TMEM163: variants seen among roughly 807,000 people sequenced by gnomAD.
TMEM163 encodes the protein transmembrane protein 163.
Under a neutral mutation model 29.3 loss-of-function variants are expected in TMEM163, and 17 were observed. The observed-to-expected ratio is 0.58, with a 90% CI of 0.40 to 0.87. TMEM163 has a LOEUF of 0.87. Among genes scored for constraint, TMEM163 ranks in the 40% least tolerant of loss-of-function variants. The pLI is 0.00. For missense variants in TMEM163, 303 were observed against 381.5 expected (o/e 0.79, Z 1.71); for synonymous variants, 157 against 160.6 (o/e 0.98, Z 0.17).
At chr2:134,658,919 C>T (rs1683683383) in intron 2 of TMEM163, among the ~76,000 whole-genome samples, 1 of 152,118 alleles carries the variant, frequency 6.6e-6, no homozygotes, top group African/African-American at 2.4e-5. Context: ...TTTTATGAAG[C>T]ATCTGCTTTG....
chr2:134,675,490 C>G (rs942540682), intron 2 of TMEM163, among the ~76,000 whole-genome samples: 1 of 152,054 alleles, frequency 6.6e-6, no homozygotes, highest in Non-Finnish European at 1.5e-5. Flanking sequence ...AAGTAACACA[C>G]GGGAACAGCA....
chr2:134,477,407 A>C (rs1686942459), intron 5 of TMEM163, among the ~76,000 whole-genome samples: 1 of 152,224 alleles, frequency 6.6e-6, no homozygotes, highest in African/African-American at 2.4e-5. Flanking sequence ...TGGTATATAC[A>C]TGATGTGCAG....
chr2:134,620,708 A>T (rs1682711955), intron 2 of TMEM163, among the ~76,000 whole-genome samples: 1 of 152,254 alleles, frequency 6.6e-6, no homozygotes, highest in Non-Finnish European at 1.5e-5. Flanking sequence ...AGTTGAATGC[A>T]ATTCAATACA....
chr2:134,482,253 C>T (rs181465342), intron 5 of TMEM163, among the ~76,000 whole-genome samples: 1 of 152,166 alleles, frequency 6.6e-6, no homozygotes, highest in African/African-American at 2.4e-5. Context: ...TGCTTTTCTG[C>T]AGGGCCAGTT....
chr2:134,605,038 G>C (rs1682320484), intron 2 of TMEM163, among the ~76,000 whole-genome samples: 1 of 152,060 alleles, frequency 6.6e-6, no homozygotes, highest in Admixed American at 6.5e-5. Flanking sequence ...AATTAGCTGG[G>C]CATGGTGGCG....
intron 2 of TMEM163, 36 bp downstream of exon 2, chr2:134,713,164 C>A (rs1433278722): frequency 6.2e-7 from 1 of 1,605,256 alleles, no homozygotes; most frequent in African/African-American, 1.3e-5. Flanking sequence ...CGGGCAACAG[C>A]AGCACATATT....
chr2:134,537,826 G>A (rs1239625942), intron 4 of TMEM163, among the ~76,000 whole-genome samples: 1 of 152,142 alleles, frequency 6.6e-6, no homozygotes, highest in Non-Finnish European at 1.5e-5. Context: ...GAGGTGCAGG[G>A]CCTCCTGGAA....
At chr2:134,554,987 A>G (rs1212356566) in intron 2 of TMEM163, among the ~76,000 whole-genome samples, 1 of 152,166 alleles carries the variant, frequency 6.6e-6, no homozygotes, top group East Asian at 1.9e-4. Context: ...AATGCCAAAA[A>G]TTGCATGGGG....
intron 2 of TMEM163, among the ~76,000 whole-genome samples, chr2:134,670,420 G>A (rs909105760): frequency 9.2e-5 from 14 of 152,176 alleles, no homozygotes; most frequent in African/African-American, 3.4e-4. Flanking sequence ...CCACGTGGGG[G>A]AACACTGGCA....
intron 2 of TMEM163, among the ~76,000 whole-genome samples, chr2:134,572,766 A>G (rs1452221959): frequency 6.6e-6 from 1 of 152,220 alleles, no homozygotes; most frequent in East Asian, 1.9e-4. Flanking sequence ...TTCAGCGCTT[A>G]ATGATCTGAA....
chr2:134,711,175 C>A (rs566331679), intron 2 of TMEM163, among the ~76,000 whole-genome samples: 5 of 152,184 alleles, frequency 3.3e-5, no homozygotes, highest in African/African-American at 1.2e-4. Flanking sequence ...AAAAGTCTGG[C>A]GCCATATAAA....
At chr2:134,549,209 AG>A (rs1680855691) in intron 4 of TMEM163, among the ~76,000 whole-genome samples, 2 of 152,230 alleles carry the variant, frequency 1.3e-5, no homozygotes, top group South Asian at 4.2e-4. Flanking sequence ...TGCTCTCATT[AG>A]TGAGTCAGTT....
intron 2 of TMEM163, among the ~76,000 whole-genome samples, chr2:134,576,172 G>C: frequency 6.6e-6 from 1 of 152,208 alleles, no homozygotes; most frequent in East Asian, 1.9e-4. Flanking sequence ...AGGGGATACA[G>C]AGGAAGAATT....
intron 2 of TMEM163, among the ~76,000 whole-genome samples, chr2:134,650,760 T>C (rs1683456408): frequency 7.6e-6 from 1 of 131,258 alleles, no homozygotes; most frequent in East Asian, 2.1e-4. Context: ...GATCTCATTG[T>C]TCAATTCCCA....
At chr2:134,479,868 C>G (rs182844381) in intron 5 of TMEM163, among the ~76,000 whole-genome samples, 24 of 152,330 alleles carry the variant, frequency 1.6e-4, no homozygotes, top group South Asian at 2.1e-4. Flanking sequence ...TGGAATGTGG[C>G]GAAAGCCACA....
intron 2 of TMEM163, among the ~76,000 whole-genome samples, chr2:134,560,107 C>G (rs141296213): frequency 6.6e-6 from 1 of 152,248 alleles, no homozygotes; most frequent in Non-Finnish European, 1.5e-5. Context: ...TGCTCCCTCC[C>G]CTCCTTCAGG....
intron 2 of TMEM163, among the ~76,000 whole-genome samples, chr2:134,668,794 G>A (rs1455307045): frequency 1.3e-5 from 2 of 152,012 alleles, no homozygotes; most frequent in Admixed American, 6.5e-5. Flanking sequence ...AAAAATCTAC[G>A]AAGGGGACTA....
intron 2 of TMEM163, among the ~76,000 whole-genome samples, chr2:134,612,143 C>T (rs954674200): frequency 2.6e-5 from 4 of 152,206 alleles, no homozygotes; most frequent in African/African-American, 9.7e-5. Flanking sequence ...TTTGACCTAT[C>T]TCAAGCACCT....
At chr2:134,510,756 C>G (rs1013832696) in intron 4 of TMEM163, among the ~76,000 whole-genome samples, 5 of 152,152 alleles carry the variant, frequency 3.3e-5, no homozygotes, top group African/African-American at 1.2e-4. Context: ...TAAGGAAGGT[C>G]TGGACAGTGA....
Sources: allele counts gnomAD v4.1 joint callset (sites outside exome capture counted in the v4.1 genomes callset), GRCh38; gene constraint gnomAD v4.1.1; transcripts MANE v1.5; gene names NCBI Gene and HGNC (gene_info 2026-07-23, HGNC 2026-07-21).